NRG3: variants seen among roughly 807,000 people sequenced by gnomAD.
NRG3 encodes pro-neuregulin-3, membrane-bound isoform.
NRG3 carries 31 observed loss-of-function variants against 66.9 expected under a neutral mutation model. The ratio of observed to expected loss-of-function variants is 0.46; its 90% CI spans 0.35 to 0.63. The LOEUF (loss-of-function observed/expected upper bound fraction) is 0.63. NRG3 is among the 20% of genes least tolerant of loss of function. NRG3 has a pLI of 0.00. For missense variants in NRG3, 910 were observed against 878.9 expected, an observed-to-expected ratio of 1.04 and a Z score of -0.45; for synonymous variants, 393 against 359.4, an observed-to-expected ratio of 1.09 and a Z score of -1.06.
intron 4 of NRG3, among the ~76,000 whole-genome samples, chr10:82,950,509 A>G (rs1356123954): frequency 1.3e-5 from 2 of 152,160 alleles, no homozygotes; most frequent in Non-Finnish European, 2.9e-5. Flanking sequence ...TTCTTCCCCC[A>G]TTCTGAGCTG....
At chr10:82,709,745 C>T (rs563989086) in intron 2 of NRG3, among the ~76,000 whole-genome samples, 2 of 152,250 alleles carry the variant, frequency 1.3e-5, no homozygotes, top group East Asian at 3.9e-4. Flanking sequence ...ACTTTATTTC[C>T]CTGTTTCATT....
At chr10:81,969,798 T>TGC (rs2059861996) in intron 1 of NRG3, among the ~76,000 whole-genome samples, 1 of 149,996 alleles carries the variant, frequency 6.7e-6, no homozygotes, top group South Asian at 2.1e-4. Flanking sequence ...TGTGTGTGTG[T>TGC]GTGCACATGC....
chr10:82,872,251 A>G (rs1391063197), intron 4 of NRG3, among the ~76,000 whole-genome samples: 5 of 152,168 alleles, frequency 3.3e-5, no homozygotes, highest in Non-Finnish European at 7.4e-5. Context: ...AGATAAATGG[A>G]TAAATGTCAC....
intron 4 of NRG3, among the ~76,000 whole-genome samples, chr10:82,942,726 A>T (rs1484672744): frequency 6.6e-6 from 1 of 152,206 alleles, no homozygotes; most frequent in Non-Finnish European, 1.5e-5. Flanking sequence ...TGGTTGTTGC[A>T]TGCGTCTGTT....
At chr10:82,176,290 T>C (rs1421655053) in intron 1 of NRG3, among the ~76,000 whole-genome samples, 1 of 152,132 alleles carries the variant, frequency 6.6e-6, no homozygotes, top group Non-Finnish European at 1.5e-5. Flanking sequence ...TCTTAGTCTT[T>C]AGGAGAGAAC....
intron 1 of NRG3, among the ~76,000 whole-genome samples, chr10:81,983,355 AG>A (rs1214173416): frequency 1.7e-4 from 26 of 152,348 alleles, no homozygotes; most frequent in African/African-American, 6.3e-4. Flanking sequence ...TGGTGTTCAC[AG>A]CACACCCCTC....
chr10:82,189,402 A>C (rs1360694700), intron 1 of NRG3, among the ~76,000 whole-genome samples: 1 of 152,152 alleles, frequency 6.6e-6, no homozygotes. Context: ...CACACCTGTA[A>C]TCCCAGCACT....
chr10:82,001,083 A>G (rs2061145561), intron 1 of NRG3, among the ~76,000 whole-genome samples: 1 of 152,042 alleles, frequency 6.6e-6, no homozygotes, highest in African/African-American at 2.4e-5. Flanking sequence ...ACAAATTCCT[A>G]TTACAATGAA....
At chr10:82,060,703 C>G (rs1233764037) in intron 1 of NRG3, among the ~76,000 whole-genome samples, 1 of 152,108 alleles carries the variant, frequency 6.6e-6, no homozygotes, top group Non-Finnish European at 1.5e-5. Flanking sequence ...ATGGATAATT[C>G]ACCTTGTTCT....
Position 82,125,690 on chromosome 10 carries a change from T to C in NRG3, c.824-233049T>C, listed in dbSNP as rs1473680717. On this transcript the variant is annotated intron_variant, in intron 1 of 8. Transcript: ENST00000372141. Reference sequence around the variant, plus strand: ...CTTTCTCCAAAATATTGAACTCATATGAGGTATGTCTGTGTGGCTGAGATC... The same window carrying C: ...CTTTCTCCAAAATATTGAACTCATACGAGGTATGTCTGTGTGGCTGAGATC... Among the ~76,000 whole-genome samples the C allele has an allele frequency of 2.6e-5, 4 of 152,054 alleles. No homozygotes were observed. In the East Asian group the frequency reaches 5.8e-4, roughly 22 times the overall value.
At chr10:81,941,383 G>GACA (rs1386564350) in intron 1 of NRG3, among the ~76,000 whole-genome samples, 3 of 152,026 alleles carry the variant, frequency 2.0e-5, no homozygotes, top group Non-Finnish European at 4.4e-5. Flanking sequence ...TACCTCACTT[G>GACA]AAATGTGCAT....
At chr10:82,108,271 G>T (rs1352973519) in intron 1 of NRG3, among the ~76,000 whole-genome samples, 1 of 152,194 alleles carries the variant, frequency 6.6e-6, no homozygotes, top group Admixed American at 6.5e-5. Context: ...GGGGTATTTT[G>T]CAAGCTGTTA....
intron 2 of NRG3, among the ~76,000 whole-genome samples, chr10:82,624,040 C>T (rs1314096319): frequency 6.6e-6 from 1 of 152,118 alleles, no homozygotes; most frequent in Non-Finnish European, 1.5e-5. Context: ...GACAGAAAAA[C>T]TTGGCATTTA....
chr10:82,081,093 A>C lies in NRG3; in HGVS notation c.823+204930A>C, dbSNP rs140424283. Among the ~76,000 whole-genome samples, 606 of 152,302 alleles carry C rather than the reference A, an allele frequency of 4.0e-3. 2 individuals are homozygous for C. The highest frequency in any genetic ancestry group is 0.014 in the African/African-American group (578 of 41,556). On this transcript the variant is annotated intron_variant, in intron 1 of 8. Coordinates refer to ENST00000372141, the MANE Select transcript of NRG3 (RefSeq NM_001010848.4). ...TCTGAGAGTGAGGAATCCATTATCA[A>C]TGACCTATAGCATGAACATTTTTGT...
intron 4 of NRG3, among the ~76,000 whole-genome samples, chr10:82,945,012 A>T (rs973143920): frequency 6.6e-6 from 1 of 152,172 alleles, no homozygotes; most frequent in Non-Finnish European, 1.5e-5. Flanking sequence ...GTAGAGAAAC[A>T]CCACAAGTCC....
chr10:82,337,459 A>G (rs1267272384), intron 1 of NRG3, among the ~76,000 whole-genome samples: 1 of 152,232 alleles, frequency 6.6e-6, no homozygotes, highest in Non-Finnish European at 1.5e-5. Flanking sequence ...TAATATTTCT[A>G]TAAACACTCA....
chr10:82,628,428 G>T (rs1249851202), intron 2 of NRG3, among the ~76,000 whole-genome samples: 1 of 152,106 alleles, frequency 6.6e-6, no homozygotes, highest in Non-Finnish European at 1.5e-5. Context: ...GAAAAATAGG[G>T]TGTTAACCAT....
intron 2 of NRG3, among the ~76,000 whole-genome samples, chr10:82,612,861 T>C (rs887845476): frequency 3.9e-5 from 6 of 152,214 alleles, no homozygotes; most frequent in African/African-American, 1.4e-4. Flanking sequence ...TGTTTCTGCC[T>C]CCAAAGCCAC....
At chr10:82,006,771 T>G (rs1212670086) in intron 1 of NRG3, among the ~76,000 whole-genome samples, 2 of 152,180 alleles carry the variant, frequency 1.3e-5, no homozygotes, top group Non-Finnish European at 2.9e-5. Context: ...TTAAGGTCAT[T>G]TATTCTGTCA....
Sources: gnomAD v4.1 joint callset for allele counts (sites outside exome capture counted in the v4.1 genomes callset) on GRCh38, gnomAD v4.1.1 for gene constraint, MANE v1.5 for transcripts, NCBI Gene and HGNC (gene_info 2026-07-23, HGNC 2026-07-21) for gene names.